Variants in CAMK2A observed in about 807,000 individuals in gnomAD.
CAMK2A encodes calcium/calmodulin dependent protein kinase II alpha, also known as calcium/calmodulin-dependent protein kinase type II subunit alpha.
CAMK2A carries 7 observed loss-of-function variants against 79.2 expected under a neutral mutation model. The ratio of observed to expected loss-of-function variants is 0.09; its 90% CI spans 0.05 to 0.17. CAMK2A has a LOEUF of 0.17. CAMK2A is among the 10% of genes least tolerant of loss of function. The pLI is 1.00. For missense variants in CAMK2A, 214 were observed against 646.4 expected, an observed-to-expected ratio of 0.33 and a Z score of 7.25; for synonymous variants, 242 against 251.7, an observed-to-expected ratio of 0.96 and a Z score of 0.36.
rs188021333 is a variant in CAMK2A, at chr5:150,253,665, G to A, written c.412-119C>T. On this transcript the variant is annotated intron_variant, in intron 6 of 18. Transcript: ENST00000671881. ...AGGAAGAACAGCCCGGCCCTCCGGG[G>A]CCCCTGCTTTCATCTCCAGCCCCGC... 2.5e-5 allele frequency: 21 copies of A among 829,232 alleles called. No individual in the cohort carries two copies. In the East Asian group the frequency reaches 5.3e-4, roughly 21 times the overall value. 51.4% of individuals were successfully genotyped at this position (829,232 alleles called of 1,614,324 possible). A position where few individuals can be genotyped will look rare whatever the true frequency, so the allele number is the denominator to read the frequency against.
intron 3 of CAMK2A, 45 bp from the exon 4 acceptor site, chr5:150,257,662 G>A (rs1234227723): frequency 2.7e-6 from 4 of 1,454,950 alleles, no homozygotes; most frequent in Non-Finnish European, 3.8e-6. Flanking sequence ...ACACACTGCT[G>A]CACAGGCCCG....
At chr5:150,258,338 A>G (rs1194479237) in intron 3 of CAMK2A, among the ~76,000 whole-genome samples, 2 of 152,200 alleles carry the variant, frequency 1.3e-5, no homozygotes, top group Non-Finnish European at 2.9e-5. Context: ...GTCAGTCAAG[A>G]GCAAGTCTCA....
At chr5:150,232,447 G>C (rs966674249) in intron 15 of CAMK2A, among the ~76,000 whole-genome samples, 1 of 152,216 alleles carries the variant, frequency 6.6e-6, no homozygotes, top group Middle Eastern at 3.2e-3. Context: ...GGCAAGGTCA[G>C]CTTCCTCCCA....
intron 13 of CAMK2A, 82 bp from the exon 14 acceptor site, chr5:150,239,818 T>C: frequency 8.1e-7 from 1 of 1,235,486 alleles, no homozygotes; most frequent in Non-Finnish European, 1.2e-6. Context: ...CAGGGGAGGT[T>C]TGGGAGGAGG....
chr5:150,233,983 T>C (rs1286046628), intron 15 of CAMK2A, among the ~76,000 whole-genome samples: 1 of 152,100 alleles, frequency 6.6e-6, no homozygotes, highest in Non-Finnish European at 1.5e-5. Context: ...CAGCTAATTT[T>C]TGTATTTGTA....
At chr5:150,233,689 G>C (rs923895449) in intron 15 of CAMK2A, among the ~76,000 whole-genome samples, 1 of 152,196 alleles carries the variant, frequency 6.6e-6, no homozygotes, top group Non-Finnish European at 1.5e-5. Flanking sequence ...GTCCCTAGGA[G>C]ACCCAGAACC....
rs187749277 is a variant in CAMK2A at position 150,221,638 on chromosome 5, C to T, written c.*1072G>A. 3.2e-4 allele frequency: 129 copies of T among 398,372 alleles called. No individual in the cohort carries two copies. In the Middle Eastern group the frequency reaches 3.8e-3, roughly 12 times the overall value. The allele number at this position is 398,372 out of a possible 1,614,324, so 24.7% of individuals were successfully genotyped here. On this transcript the variant is annotated 3_prime_UTR_variant, in exon 19 of 19. Coordinates refer to ENST00000671881, the MANE Select transcript of CAMK2A (RefSeq NM_015981.4). Reference sequence around the variant, plus strand: ...GATGCTTCCACAGTCCCAAAAGGAACGCCTGTGTCAGCTCACCTTGGGACC... The same window carrying T: ...GATGCTTCCACAGTCCCAAAAGGAATGCCTGTGTCAGCTCACCTTGGGACC...
intron 1 of CAMK2A, among the ~76,000 whole-genome samples, chr5:150,286,723 C>T (rs1757438859): frequency 6.6e-6 from 1 of 152,166 alleles, no homozygotes; most frequent in Non-Finnish European, 1.5e-5. Flanking sequence ...CTCATAGCTT[C>T]CTCCCACAGA....
At chr5:150,243,377 A>T (rs984236324) in intron 13 of CAMK2A, among the ~76,000 whole-genome samples, 2 of 152,148 alleles carry the variant, frequency 1.3e-5, no homozygotes, top group Non-Finnish European at 2.9e-5. Flanking sequence ...GTCTCCACAC[A>T]GGGGTCAGAG....
In CAMK2A at chr5:150,221,540, G is replaced by A; in HGVS notation, c.*1170C>T. On this transcript the variant is annotated 3_prime_UTR_variant, in exon 19 of 19. Transcript: ENST00000671881. ...TGCGAGGGAAGCAAAGAAAAGTCCA[G>A]GTATTTCCATCCTGACAGCCTCCCT... The A allele has an allele frequency of 1.0e-5, 4 of 398,668 alleles. No homozygotes were observed. Among genetic ancestry groups the A allele is most frequent in the Non-Finnish European group, 1.8e-5 (4 of 226,068 alleles). 24.7% of individuals were successfully genotyped at this position (398,668 alleles called of 1,614,324 possible). A position where few individuals can be genotyped will look rare whatever the true frequency, so the allele number is the denominator to read the frequency against.
intron 9 of CAMK2A, among the ~76,000 whole-genome samples, 197 bp from the exon 10 acceptor site, chr5:150,251,007 G>C (rs950832841): frequency 1.3e-5 from 2 of 152,248 alleles, no homozygotes; most frequent in Non-Finnish European, 2.9e-5. Flanking sequence ...CAGAGGGAAA[G>C]GAGGCCTCCC....
intron 2 of CAMK2A, among the ~76,000 whole-genome samples, chr5:150,269,791 G>A (rs1284278582): frequency 6.6e-6 from 1 of 152,162 alleles, no homozygotes; most frequent in African/African-American, 2.4e-5. Flanking sequence ...CCTGATCCTG[G>A]GAGCAAGAGT....
intron 3 of CAMK2A, among the ~76,000 whole-genome samples, chr5:150,260,865 C>T (rs925110280): frequency 6.6e-6 from 1 of 152,242 alleles, no homozygotes; most frequent in African/African-American, 2.4e-5. Context: ...CCTTCCTCCA[C>T]GTGGTCTCTG....
At position 150,258,868 on chromosome 5, in the gene CAMK2A, G is replaced by T. The variant is rs574845754; in HGVS notation, c.218-1251C>A. Among the ~76,000 whole-genome samples the T allele has an allele frequency of 7.2e-5, 11 of 152,318 alleles. No homozygotes were observed. The South Asian group carries it at 2.3e-3, about 32-fold the overall frequency. On this transcript the variant is annotated intron_variant, in intron 3 of 18. Transcript: ENST00000671881. ...GTGGATGGGCACCAGAGATGGAGAGGGAAGGGGCACAGATTAAAATGAAAA... is the reference window on the plus strand; with the variant it reads ...GTGGATGGGCACCAGAGATGGAGAGTGAAGGGGCACAGATTAAAATGAAAA...
chr5:150,253,634 G>T (rs1580925880), intron 6 of CAMK2A, 88 bp from the exon 7 acceptor site: 1 of 1,154,006 alleles, frequency 8.7e-7, no homozygotes, highest in Non-Finnish European at 1.3e-6. Flanking sequence ...AGGGGCCTGG[G>T]CTCACAGGAA....
intron 13 of CAMK2A, among the ~76,000 whole-genome samples, chr5:150,242,083 C>T (rs939961385): frequency 3.9e-5 from 6 of 152,160 alleles, no homozygotes; most frequent in Admixed American, 6.5e-5. Flanking sequence ...CCAACAGGGG[C>T]AGTGAGTGGG....
intron 1 of CAMK2A, among the ~76,000 whole-genome samples, chr5:150,283,642 C>G (rs1165225019): frequency 6.6e-6 from 1 of 152,202 alleles, no homozygotes; most frequent in South Asian, 2.1e-4. Flanking sequence ...GGTCTCTTTG[C>G]AGCTCACAAT....
intron 2 of CAMK2A, among the ~76,000 whole-genome samples, chr5:150,270,933 G>A (rs1432835): frequency 0.23 from 34,687 of 151,898 alleles, 4,389 homozygotes; most frequent in African/African-American, 0.33. Context: ...TGGTCAACGT[G>A]CAAGTGTGTG....
chr5:150,289,411 T>C (rs569091114), intron 1 of CAMK2A, among the ~76,000 whole-genome samples, 153 bp downstream of exon 1: 3 of 152,202 alleles, frequency 2.0e-5, no homozygotes, highest in African/African-American at 4.8e-5. Flanking sequence ...CTCTGGACAC[T>C]CTGTACACAG....
Sources: gnomAD v4.1 joint callset for allele counts (sites outside exome capture counted in the v4.1 genomes callset) on GRCh38, gnomAD v4.1.1 for gene constraint, MANE v1.5 for transcripts, NCBI Gene and HGNC (gene_info 2026-07-23, HGNC 2026-07-21) for gene names.